The following PGPEP1 variants were observed in gnomAD, a reference collection of about 807,000 sequenced individuals.
The protein encoded by PGPEP1 is pyroglutamyl-peptidase I.
In PGPEP1, 15 loss-of-function variants were observed where a neutral mutation model predicts 24.1. That is an observed-to-expected ratio of 0.62 (90% CI 0.42 to 0.96). The LOEUF is 0.96. PGPEP1 is among the 40% of genes least tolerant of loss of function. PGPEP1 has a pLI of 0.00. For missense variants in PGPEP1, 242 were observed against 273.4 expected (o/e 0.89, Z 0.81); for synonymous variants, 122 against 116.4 (o/e 1.05, Z -0.31).
intron 2 of PGPEP1, among the ~76,000 whole-genome samples, chr19:18,343,466 C>G (rs1474263482): frequency 1.3e-5 from 2 of 152,060 alleles, no homozygotes; most frequent in African/African-American, 4.8e-5. Flanking sequence ...AACTGAGGCC[C>G]AGAGGAGGGA....
At chr19:18,363,033 TTG>T (rs201259409) in intron 4 of PGPEP1, among the ~76,000 whole-genome samples, 21,817 of 136,644 alleles carry the variant, frequency 0.16, 1,880 homozygotes, top group East Asian at 0.37. Flanking sequence ...TTTTTTTTGT[TTG>T]TGTGTGTGTG....
intron 1 of PGPEP1, 32 bp downstream of exon 1, chr19:18,340,747 C>T: frequency 2.8e-6 from 4 of 1,423,488 alleles, no homozygotes; most frequent in Non-Finnish European, 1.9e-6. Context: ...GTAGCGGCAG[C>T]GGCCGGGGGC....
intron 4 of PGPEP1, among the ~76,000 whole-genome samples, chr19:18,362,520 G>A (rs1971372237): frequency 1.3e-5 from 2 of 151,992 alleles, no homozygotes; most frequent in Non-Finnish European, 2.9e-5. Flanking sequence ...CAGGTCAGGA[G>A]TTTCAGAACA....
chr19:18,366,697 C>T lies in PGPEP1; in HGVS notation c.*3114C>T, dbSNP rs1010059019. On this transcript the variant is annotated 3_prime_UTR_variant, in exon 5 of 5. Transcript: ENST00000269919. The stretch of plus-strand genomic sequence containing the variant: ...TGTTGGCCAGGCTGGTCTTGAAATC[C>T]TGACCTCAGGTGATCTGCCTGCCTT... The T allele has an allele frequency of 6.6e-6, 1 of 152,076 alleles. No individual in the cohort carries two copies. The highest frequency in any genetic ancestry group is 2.4e-5 in the African/African-American group (1 of 41,408). The allele number at this position is 152,076 out of a possible 1,614,324, so 9.4% of individuals were successfully genotyped here.
chr19:18,359,932 G>T (rs970082204), intron 4 of PGPEP1, among the ~76,000 whole-genome samples: 1 of 152,116 alleles, frequency 6.6e-6, no homozygotes, highest in Non-Finnish European at 1.5e-5. Flanking sequence ...TAATCTGTGC[G>T]CTTGTCCAAC....
At position 18,347,980 on chromosome 19, in the gene PGPEP1, T is replaced by C. The variant is rs1970903886; in HGVS notation, c.87+5069T>C. Among the ~76,000 whole-genome samples, 3 of 152,160 alleles carry C rather than the reference T, an allele frequency of 2.0e-5. No homozygotes were observed. In the South Asian group the frequency reaches 6.2e-4, roughly 31 times the overall value. ...TCTCTTTGTCCCCTGGGTGAAGTCA[T>C]GCCCACAGCATAGGTGGAACTGTTT... is the stretch of plus-strand genomic sequence containing the variant. On this transcript the variant is annotated intron_variant, in intron 2 of 4. Coordinates refer to ENST00000269919, the MANE Select transcript of PGPEP1 (RefSeq NM_017712.4).
rs1568320950 is a variant in PGPEP1 at position 18,364,096 on chromosome 19, C to CTTTCTTTCTTTCTTTCTTTCTTTCTTT, written c.*531_*532insTCTTTCTTTTTTCTTTCTTTCTTTCTT. The CTTTCTTTCTTTCTTTCTTTCTTTCTTT allele has an allele frequency of 1.4e-5, 2 of 138,282 alleles. No homozygotes were observed. The highest frequency in any genetic ancestry group is 4.8e-4 in the South Asian group (2 of 4,192). The allele number at this position is 138,282 out of a possible 1,614,324, so 8.6% of individuals were successfully genotyped here. A position where few individuals can be genotyped will look rare whatever the true frequency, so the allele number is the denominator to read the frequency against. On this transcript the variant is annotated 3_prime_UTR_variant, in exon 5 of 5. Coordinates refer to ENST00000269919, the MANE Select transcript of PGPEP1 (RefSeq NM_017712.4). Reference sequence around the variant, plus strand: ...GCTGGCTGGCTGGCTTTCTTTCTTTCTTTCTTTCTTTCTTTCTTGCTTTCT... The same window carrying CTTTCTTTCTTTCTTTCTTTCTTTCTTT: ...GCTGGCTGGCTGGCTTTCTTTCTTTCTTTCTTTCTTTCTTTCTTTCTTTCTTTTTTCTTTCTTTCTTTCTTGCTTTCT...
chr19:18,353,307 C>T (rs1369831446), intron 2 of PGPEP1, among the ~76,000 whole-genome samples: 3 of 151,822 alleles, frequency 2.0e-5, no homozygotes, highest in African/African-American at 4.8e-5. Context: ...ATGCAGCCTC[C>T]CCCTCCCTGG....
At position 18,363,595 on chromosome 19, in the gene PGPEP1, G is replaced by C. The variant is rs777767592; in HGVS notation, c.*12G>C. On this transcript the variant is annotated 3_prime_UTR_variant, in exon 5 of 5. Coordinates refer to ENST00000269919, the MANE Select transcript of PGPEP1 (RefSeq NM_017712.4). ...GCCACAAACACTGAGGGACGCTCAG[G>C]TCTCCTAAGACCTCATCCTGCTGGG... 7 of 1,606,784 alleles carry C rather than the reference G, an allele frequency of 4.4e-6. No homozygotes were observed. Among genetic ancestry groups the C allele is most frequent in the Non-Finnish European group, 5.1e-6 (6 of 1,175,606 alleles).
intron 2 of PGPEP1, among the ~76,000 whole-genome samples, chr19:18,352,439 AAAAG>A (rs537207490): frequency 5.9e-5 from 9 of 151,912 alleles, no homozygotes; most frequent in South Asian, 4.1e-4. Context: ...TCAAAAAAAA[AAAAG>A]AAAGAAAGAA....
chr19:18,350,145 C>T (rs1970977385), intron 2 of PGPEP1, among the ~76,000 whole-genome samples: 1 of 152,168 alleles, frequency 6.6e-6, no homozygotes, highest in Non-Finnish European at 1.5e-5. Flanking sequence ...CTCGCCCTCC[C>T]GAGTAGCTGG....
At chr19:18,360,726 T>C (rs1182357579) in intron 4 of PGPEP1, among the ~76,000 whole-genome samples, 3 of 151,494 alleles carry the variant, frequency 2.0e-5, no homozygotes, top group African/African-American at 4.9e-5. Context: ...GGTTTTATCA[T>C]GTTGGCCAGG....
intron 2 of PGPEP1, among the ~76,000 whole-genome samples, chr19:18,349,462 C>T (rs1226710168): frequency 6.6e-6 from 1 of 152,092 alleles, no homozygotes; most frequent in Non-Finnish European, 1.5e-5. Context: ...ACCCCTGACC[C>T]TATTTTTCTG....
intron 1 of PGPEP1, 40 bp from the exon 2 acceptor site, chr19:18,342,819 G>A (rs66732430): frequency 0.25 from 391,494 of 1,536,520 alleles, 54,054 homozygotes; most frequent in Non-Finnish European, 0.27. Flanking sequence ...ACTGGGAAGG[G>A]CCACTCTTGG....
intron 2 of PGPEP1, among the ~76,000 whole-genome samples, chr19:18,345,425 A>G (rs1970802336): frequency 6.6e-6 from 1 of 151,994 alleles, no homozygotes; most frequent in African/African-American, 2.4e-5. Context: ...AGTTTAACAT[A>G]TATACACCCA....
chr19:18,348,410 G>T (rs1970923443), intron 2 of PGPEP1, among the ~76,000 whole-genome samples: 1 of 152,174 alleles, frequency 6.6e-6, no homozygotes, highest in Non-Finnish European at 1.5e-5. Context: ...CTGCGCGGCG[G>T]GGTCCTGTCA....
Position 18,364,100 on chromosome 19 carries a change from C to CTTTCTTTCTTTTTTCTTTCTTTCTTTCTT in PGPEP1, c.*528_*529insTTTCTTTCTTTCTTTCTTTTTCTTTCTTT, listed in dbSNP as rs879691370. Reference sequence around the variant, plus strand: ...GCTGGCTGGCTTTCTTTCTTTCTTTCTTTCTTTCTTTCTTGCTTTCTTTCT... The same window carrying CTTTCTTTCTTTTTTCTTTCTTTCTTTCTT: ...GCTGGCTGGCTTTCTTTCTTTCTTTCTTTCTTTCTTTTTTCTTTCTTTCTTTCTTTTTCTTTCTTTCTTGCTTTCTTTCT... On this transcript the variant is annotated 3_prime_UTR_variant, in exon 5 of 5. Transcript: ENST00000269919. 7.0e-6 allele frequency: 1 copy of CTTTCTTTCTTTTTTCTTTCTTTCTTTCTT among 142,320 alleles called. No individual in the cohort carries two copies. The highest frequency in any genetic ancestry group is 2.1e-4 in the East Asian group (1 of 4,736). 8.8% of individuals were successfully genotyped at this position (142,320 alleles called of 1,614,324 possible).
At chr19:18,352,266 C>CAAAAAAAAAAAAAAAAAAAAAAAAAA (rs60299417) in intron 2 of PGPEP1, among the ~76,000 whole-genome samples, 11 of 43,658 alleles carry the variant, frequency 2.5e-4, no homozygotes, top group South Asian at 1.4e-3. Flanking sequence ...GACTCCGTCT[C>CAAAAAAAAAAAAAAAAAAAAAAAAAA]AAAAAAAAAA....
At chr19:18,346,012 A>G (rs1353761822) in intron 2 of PGPEP1, among the ~76,000 whole-genome samples, 1 of 24,552 alleles carries the variant, frequency 4.1e-5, no homozygotes, top group East Asian at 1.2e-3. Flanking sequence ...AATTTTACAT[A>G]TGTGCACCCC....
Sources: allele counts gnomAD v4.1 joint callset (sites outside exome capture counted in the v4.1 genomes callset), GRCh38; gene constraint gnomAD v4.1.1; transcripts MANE v1.5; gene names NCBI Gene and HGNC (gene_info 2026-07-23, HGNC 2026-07-21).